The following ANKRD45 variants were observed in gnomAD, a reference collection of about 807,000 sequenced individuals.
ANKRD45 encodes the protein ankyrin repeat domain-containing protein 45.
Under a neutral mutation model 28.1 loss-of-function variants are expected in ANKRD45, and 21 were observed. That is an observed-to-expected ratio of 0.75 (90% CI 0.53 to 1.08). The LOEUF (loss-of-function observed/expected upper bound fraction) is 1.08. Among genes scored for constraint, ANKRD45 ranks in the 50% least tolerant of loss-of-function variants. The pLI is 0.00. For missense variants in ANKRD45, 261 were observed against 308.7 expected (o/e 0.85, Z 1.16); for synonymous variants, 86 against 103.9 (o/e 0.83, Z 1.05).
At chr1:173,690,716 C>T in the ANKRD45 span, among the ~76,000 whole-genome samples, 6 of 152,250 alleles carry the variant, frequency 3.9e-5, no homozygotes, top group South Asian at 4.1e-4. Flanking sequence ...CCAGTGTTTT[C>T]GCATGAGACC....
chr1:173,683,779 T>G, the ANKRD45 span, among the ~76,000 whole-genome samples: 3 of 152,230 alleles, frequency 2.0e-5, no homozygotes, highest in Admixed American at 1.3e-4. Flanking sequence ...CGGTGTTATA[T>G]ATAAAGTTTC....
upstream of ANKRD45, among the ~76,000 whole-genome samples, chr1:173,673,739 C>G (rs1414076722): frequency 2.0e-5 from 3 of 152,120 alleles, no homozygotes; most frequent in African/African-American, 7.2e-5. Context: ...TTTAAAACAC[C>G]AGAGGACTGC....
intron 2 of ANKRD45, among the ~76,000 whole-genome samples, chr1:173,648,851 T>C (rs561946416): frequency 1.2e-3 from 179 of 152,310 alleles, no homozygotes; most frequent in African/African-American, 4.1e-3. Context: ...TTTCAGGTAT[T>C]ACTATTATCC....
At chr1:173,631,103 C>T (rs1029362101) in intron 3 of ANKRD45, among the ~76,000 whole-genome samples, 9 of 151,872 alleles carry the variant, frequency 5.9e-5, no homozygotes, top group Admixed American at 1.3e-4. Flanking sequence ...TAAAGACACA[C>T]ATAAATGGAA....
chr1:173,633,992 T>C (rs1668304631), intron 3 of ANKRD45, among the ~76,000 whole-genome samples: 2 of 151,908 alleles, frequency 1.3e-5, no homozygotes, highest in Non-Finnish European at 2.9e-5. Context: ...ACAAATGGGA[T>C]TATTACGTTA....
chr1:173,666,821 C>T (rs1293559551), intron 1 of ANKRD45, among the ~76,000 whole-genome samples: 3 of 152,050 alleles, frequency 2.0e-5, no homozygotes, highest in Non-Finnish European at 4.4e-5. Flanking sequence ...GATGCCATCA[C>T]GACTCACTAC....
chr1:173,633,437 T>G (rs1668281321), intron 3 of ANKRD45, among the ~76,000 whole-genome samples: 1 of 152,062 alleles, frequency 6.6e-6, no homozygotes, highest in Admixed American at 6.6e-5. Flanking sequence ...ATGTACAGAT[T>G]CAATGCATTG....
the ANKRD45 span, among the ~76,000 whole-genome samples, chr1:173,681,263 GT>G: frequency 1.3e-5 from 2 of 152,176 alleles, no homozygotes; most frequent in Admixed American, 6.5e-5. Context: ...GTGTATGTGT[GT>G]TTTTTATATC....
chr1:173,623,115 A>T (rs1377264117), intron 5 of ANKRD45, among the ~76,000 whole-genome samples: 1 of 152,026 alleles, frequency 6.6e-6, no homozygotes, highest in African/African-American at 2.4e-5. Context: ...CAGGAGTTCA[A>T]GACCAGCCTG....
the ANKRD45 span, among the ~76,000 whole-genome samples, chr1:173,681,553 G>A: frequency 1.3e-5 from 2 of 152,158 alleles, no homozygotes; most frequent in Non-Finnish European, 2.9e-5. Context: ...CATGCCGATA[G>A]AAGTACATCT....
At chr1:173,670,491 C>G (rs1285513215), upstream of ANKRD45, among the ~76,000 whole-genome samples, 3 of 152,154 alleles carry the variant, frequency 2.0e-5, no homozygotes, top group East Asian at 3.8e-4. Context: ...GGAAAATATT[C>G]ATTTCTTTAC....
At chr1:173,648,420 A>G (rs887040349) in intron 2 of ANKRD45, among the ~76,000 whole-genome samples, 4 of 152,158 alleles carry the variant, frequency 2.6e-5, no homozygotes, top group South Asian at 2.1e-4. Context: ...TTATAGAGTC[A>G]TATACTCAGT....
chr1:173,634,738 A>T (rs1431322867), intron 3 of ANKRD45, among the ~76,000 whole-genome samples: 1 of 151,930 alleles, frequency 6.6e-6, no homozygotes, highest in African/African-American at 2.4e-5. Flanking sequence ...TAAAATCAGA[A>T]TCATTTTAAT....
At chr1:173,693,780 A>G in the ANKRD45 span, among the ~76,000 whole-genome samples, 1 of 152,236 alleles carries the variant, frequency 6.6e-6, no homozygotes. Flanking sequence ...TCTGTTCTCT[A>G]GCTTTTTCTT....
At chr1:173,645,039 A>G (rs561876282) in intron 3 of ANKRD45, among the ~76,000 whole-genome samples, 135 of 152,136 alleles carry the variant, frequency 8.9e-4, no homozygotes, top group Non-Finnish European at 1.5e-3. Context: ...ACCTAAAATT[A>G]CTATTCATGG....
At chr1:173,711,482 T>C in the ANKRD45 span, among the ~76,000 whole-genome samples, 4 of 152,230 alleles carry the variant, frequency 2.6e-5, no homozygotes. Context: ...CTTTTAAGTT[T>C]CTGTTAGTCT....
chr1:173,665,761 C>A (rs970200267), intron 1 of ANKRD45, among the ~76,000 whole-genome samples: 8 of 152,040 alleles, frequency 5.3e-5, no homozygotes, highest in Non-Finnish European at 1.5e-5. Context: ...GTAATCCCAG[C>A]AGTTTGGGGG....
chr1:173,612,554 T>A (rs1308201455), intron 5 of ANKRD45: 1 of 152,236 alleles, frequency 6.6e-6, no homozygotes, highest in Admixed American at 6.5e-5. Context: ...ATGGCTAATT[T>A]TTTTAAAAAA....
chr1:173,610,158 TCATC>T lies in ANKRD45; in HGVS notation c.784_787del (p.Asp262IlefsTer40). The T allele has an allele frequency of 6.2e-7, 1 of 1,614,174 alleles. No homozygotes were observed. The highest frequency in any genetic ancestry group is 8.5e-7 in the Non-Finnish European group (1 of 1,179,990). The stretch of plus-strand genomic sequence containing the variant: ...CAGAACGTATGTTCAGTTGGAGGTA[TCATC>T]TTGACTTCTCTTCTGGTCATGGCTT... On this transcript the variant is annotated frameshift_variant, in exon 6 of 6. Transcript: ENST00000333279. LOFTEE classifies it high-confidence loss of function.
Sources: allele counts gnomAD v4.1 joint callset (sites outside exome capture counted in the v4.1 genomes callset), GRCh38; gene constraint gnomAD v4.1.1; transcripts MANE v1.5; gene names NCBI Gene and HGNC (gene_info 2026-07-23, HGNC 2026-07-21).